UBE3D: variants seen among roughly 807,000 people sequenced by gnomAD.
UBE3D encodes E3 ubiquitin-protein ligase E3D.
In UBE3D, 48 loss-of-function variants were observed where a neutral mutation model predicts 49.6. The ratio of observed to expected loss-of-function variants is 0.97; its 90% CI spans 0.77 to 1.23. UBE3D has a LOEUF of 1.23. UBE3D is among the 50% of genes most tolerant of loss of function. The pLI, the probability that UBE3D is intolerant of heterozygous loss-of-function variation, is 0.00. For missense variants in UBE3D, 452 were observed against 468.4 expected, an observed-to-expected ratio of 0.96 and a Z score of 0.32; for synonymous variants, 189 against 174.2, an observed-to-expected ratio of 1.08 and a Z score of -0.67.
At chr6:83,031,528 T>C (rs906220554) in intron 5 of UBE3D, among the ~76,000 whole-genome samples, 4 of 152,198 alleles carry the variant, frequency 2.6e-5, no homozygotes, top group Admixed American at 1.3e-4. Context: ...CTGTGAGACA[T>C]GAAGTCAAAG....
intron 9 of UBE3D, among the ~76,000 whole-genome samples, chr6:82,927,326 G>T (rs1773831550): frequency 6.6e-6 from 1 of 150,674 alleles, no homozygotes; most frequent in African/African-American, 2.4e-5. Flanking sequence ...CTTCAATATT[G>T]TGTTGGCTAG....
intron 8 of UBE3D, among the ~76,000 whole-genome samples, chr6:82,961,911 G>A (rs1776578916): frequency 6.6e-6 from 1 of 151,098 alleles, no homozygotes; most frequent in Non-Finnish European, 1.5e-5. Flanking sequence ...GTGGTGAGAC[G>A]AGATCATGCC....
rs1048826542 is a variant in UBE3D at position 83,065,784 on chromosome 6, G to A, written c.-66C>T. ...CGAGGGGCCCGGGTCAACAGGACCA[G>A]GAGAGGTTCCACGTGCGGACCAACC... On this transcript the variant is annotated 5_prime_UTR_variant, in exon 1 of 10. Transcript: ENST00000369747. The A allele has an allele frequency of 1.9e-5, 29 of 1,505,270 alleles. No individual in the cohort carries two copies. The Admixed American group carries it at 2.9e-4, about 15-fold the overall frequency. 93.2% of individuals were successfully genotyped at this position (1,505,270 alleles called of 1,614,324 possible).
chr6:83,027,374 T>G (rs956084853), intron 5 of UBE3D, among the ~76,000 whole-genome samples: 1 of 129,776 alleles, frequency 7.7e-6, no homozygotes, highest in African/African-American at 2.9e-5. Context: ...AGGCGGAGGT[T>G]GCAGTGAGCC....
chr6:83,046,683 G>A (rs1783078264), intron 3 of UBE3D, among the ~76,000 whole-genome samples: 1 of 116,274 alleles, frequency 8.6e-6, no homozygotes, highest in Non-Finnish European at 1.8e-5. Flanking sequence ...GGGGGGGGTG[G>A]GCGGTGGCAC....
intron 5 of UBE3D, among the ~76,000 whole-genome samples, chr6:83,030,034 C>G (rs113150345): frequency 1.3e-5 from 2 of 152,098 alleles, no homozygotes; most frequent in East Asian, 3.9e-4. Context: ...AGCTTTCAAT[C>G]CTTACTGAAA....
intron 3 of UBE3D, among the ~76,000 whole-genome samples, chr6:83,048,655 C>A (rs1256049118): frequency 6.6e-6 from 1 of 152,176 alleles, no homozygotes; most frequent in Non-Finnish European, 1.5e-5. Flanking sequence ...GTCCTAGAAC[C>A]ATCTACATAA....
At chr6:82,914,033 G>T (rs1288300695) in intron 9 of UBE3D, among the ~76,000 whole-genome samples, 1 of 152,154 alleles carries the variant, frequency 6.6e-6, no homozygotes, top group Admixed American at 6.5e-5. Flanking sequence ...AGACACTGAG[G>T]CCCAAAAATG....
At chr6:82,963,820 T>C (rs374222779) in intron 8 of UBE3D, among the ~76,000 whole-genome samples, 2 of 152,126 alleles carry the variant, frequency 1.3e-5, no homozygotes, top group East Asian at 3.9e-4. Context: ...GTATGAACCA[T>C]CATAAATATC....
At chr6:83,021,362 G>A (rs1781076573) in intron 7 of UBE3D, among the ~76,000 whole-genome samples, 1 of 152,056 alleles carries the variant, frequency 6.6e-6, no homozygotes, top group Admixed American at 6.6e-5. Context: ...GATCACTTTA[G>A]CCTGGGAAGT....
chr6:82,939,476 T>C (rs1326875903), intron 9 of UBE3D, among the ~76,000 whole-genome samples: 5 of 152,232 alleles, frequency 3.3e-5, no homozygotes, highest in African/African-American at 1.2e-4. Context: ...ATAATGGAGC[T>C]GCCCTATATG....
intron 4 of UBE3D, among the ~76,000 whole-genome samples, chr6:83,039,860 T>G (rs555701014): frequency 2.0e-5 from 3 of 152,200 alleles, no homozygotes; most frequent in African/African-American, 7.2e-5. Context: ...CAGGCTGGTC[T>G]TGAACTCCTG....
At chr6:82,980,249 GTTCT>G (rs1465752738) in intron 8 of UBE3D, among the ~76,000 whole-genome samples, 1 of 151,896 alleles carries the variant, frequency 6.6e-6, no homozygotes, top group Admixed American at 6.6e-5. Context: ...ACAAACATCT[GTTCT>G]TTTTTTTGAC....
chr6:83,001,734 C>A (rs1582603555), intron 8 of UBE3D, among the ~76,000 whole-genome samples: 1 of 152,074 alleles, frequency 6.6e-6, no homozygotes, highest in Non-Finnish European at 1.5e-5. Context: ...CTATCATATT[C>A]AAAAAATAGC....
intron 3 of UBE3D, among the ~76,000 whole-genome samples, chr6:83,048,039 G>A (rs1430486849): frequency 1.7e-5 from 2 of 118,042 alleles, no homozygotes; most frequent in Non-Finnish European, 3.2e-5. Flanking sequence ...CCGAGATCGC[G>A]CCACTGCACT....
chr6:82,970,423 A>T (rs973516788), intron 8 of UBE3D, among the ~76,000 whole-genome samples: 8 of 152,178 alleles, frequency 5.3e-5, no homozygotes, highest in African/African-American at 1.9e-4. Context: ...TATTGACAGA[A>T]AGAACCTCTA....
chr6:83,001,082 G>T (rs1055237867), intron 8 of UBE3D, among the ~76,000 whole-genome samples: 2 of 152,136 alleles, frequency 1.3e-5, no homozygotes, highest in Admixed American at 6.5e-5. Flanking sequence ...TACCTCAGGT[G>T]ATCTGCCAGC....
intron 9 of UBE3D, 88 bp downstream of exon 9, chr6:82,957,224 G>T (rs293532): frequency 0.71 from 970,773 of 1,360,758 alleles, 348,998 homozygotes; most frequent in East Asian, 0.83. Flanking sequence ...GAATTCCACG[G>T]GCTATCTCCT....
chr6:82,951,000 TAA>T (rs1264696526), intron 9 of UBE3D, among the ~76,000 whole-genome samples: 8 of 125,182 alleles, frequency 6.4e-5, no homozygotes, highest in Admixed American at 8.0e-5. Context: ...GACTAATGGA[TAA>T]AAAAAAAAAA....
Sources: allele counts gnomAD v4.1 joint callset (sites outside exome capture counted in the v4.1 genomes callset), GRCh38; gene constraint gnomAD v4.1.1; transcripts MANE v1.5; gene names NCBI Gene and HGNC (gene_info 2026-07-23, HGNC 2026-07-21).